Variants in SSH2 observed in about 807,000 individuals in gnomAD.
The protein encoded by SSH2 is protein phosphatase Slingshot homolog 2.
Under a neutral mutation model 135.2 loss-of-function variants are expected in SSH2, and 37 were observed. That is an observed-to-expected ratio of 0.27 (90% CI 0.21 to 0.36). The LOEUF (loss-of-function observed/expected upper bound fraction) is 0.36, where lower values mean the gene tolerates loss of function less well. Ranked by LOEUF, SSH2 falls within the 10% of genes least tolerant of loss-of-function variation. The pLI is 1.00. For missense variants in SSH2, 1,408 were observed against 1,765.3 expected, an observed-to-expected ratio of 0.80 and a Z score of 3.63; for synonymous variants, 628 against 646.2, an observed-to-expected ratio of 0.97 and a Z score of 0.43.
chr17:29,811,920 T>C (rs547058415), intron 2 of SSH2, among the ~76,000 whole-genome samples: 1 of 152,298 alleles, frequency 6.6e-6, no homozygotes, highest in South Asian at 2.1e-4. Context: ...TAAAAATATC[T>C]AAAGAGTTTG....
intron 3 of SSH2, among the ~76,000 whole-genome samples, chr17:29,727,375 A>G (rs1281918577): frequency 6.6e-6 from 1 of 152,252 alleles, no homozygotes; most frequent in Admixed American, 6.5e-5. Flanking sequence ...CAAGCAGGTA[A>G]TATTAAATTT....
At chr17:29,635,093 A>G (rs578046520) in intron 15 of SSH2, among the ~76,000 whole-genome samples, 29 of 150,844 alleles carry the variant, frequency 1.9e-4, no homozygotes, top group East Asian at 1.2e-3. Context: ...TTGTAGAGAC[A>G]GGGTTTCACC....
At chr17:29,908,696 G>A (rs1284018260) in intron 1 of SSH2, among the ~76,000 whole-genome samples, 4 of 150,046 alleles carry the variant, frequency 2.7e-5, no homozygotes, top group Admixed American at 2.7e-4. Context: ...CCTGGGAGGC[G>A]GAGGTTGCAG....
intron 1 of SSH2, among the ~76,000 whole-genome samples, chr17:29,895,228 C>A (rs1389882273): frequency 7.3e-6 from 1 of 136,326 alleles, no homozygotes; most frequent in African/African-American, 2.7e-5. Flanking sequence ...TTTATAAATA[C>A]ATTTTATATA....
At chr17:29,704,506 A>C (rs1714871572) in intron 3 of SSH2, among the ~76,000 whole-genome samples, 1 of 152,138 alleles carries the variant, frequency 6.6e-6, no homozygotes, top group Non-Finnish European at 1.5e-5. Context: ...GTTTGAGACC[A>C]GGCTAGGCAA....
intron 11 of SSH2, among the ~76,000 whole-genome samples, chr17:29,665,809 T>C (rs2037246289): frequency 6.6e-6 from 1 of 152,368 alleles, no homozygotes; most frequent in African/African-American, 2.4e-5. Flanking sequence ...CAGAGAGGTC[T>C]CCTTGGGCTA....
chr17:29,835,021 G>A (rs540707103), intron 2 of SSH2, among the ~76,000 whole-genome samples: 1 of 152,268 alleles, frequency 6.6e-6, no homozygotes, highest in African/African-American at 2.4e-5. Context: ...TATAACTCTT[G>A]ACTAAAATGT....
intron 3 of SSH2, among the ~76,000 whole-genome samples, chr17:29,750,612 T>G (rs2040904138): frequency 6.6e-6 from 1 of 151,784 alleles, no homozygotes; most frequent in Non-Finnish European, 1.5e-5. Flanking sequence ...AGCCTCAAAC[T>G]CCTGGGTTCA....
intron 3 of SSH2, among the ~76,000 whole-genome samples, chr17:29,738,906 C>T (rs1237168853): frequency 1.3e-5 from 2 of 152,128 alleles, no homozygotes; most frequent in Admixed American, 6.5e-5. Context: ...TACTAACTGC[C>T]TCAAAAGCAT....
rs749910005 is a variant in SSH2, at chr17:29,631,476, G to T, written c.3718C>A (p.Pro1240Thr). ...ATGTTTTCACTACTAGAGCTATGTG[G>T]GAGTCGACAGGCTACAGGCAATGGG... The part of the protein sequence containing the change: ...MDPLPVACRL[P>T]HSSSSENIKS... Residue 1240 changes from proline (P) to threonine (T), a missense_variant, in exon 16 of 16, where the codon CCA becomes ACA. By Grantham distance (38) the Pro-to-Thr change is conservative (BLOSUM62 -1). This residue lies in a region of SSH2 where 1,080 missense variants were observed against 1,144.5 expected (regional missense o/e 0.94). Transcript: ENST00000540801. 6.2e-7 allele frequency: 1 copy of T among 1,614,124 alleles called. No individual in the cohort carries two copies. Among genetic ancestry groups the T allele is most frequent in the African/African-American group, 1.3e-5 (1 of 75,006 alleles).
At chr17:29,708,993 AATATATAT>A (rs374708601) in intron 3 of SSH2, among the ~76,000 whole-genome samples, 5 of 65,822 alleles carry the variant, frequency 7.6e-5, no homozygotes, top group African/African-American at 2.3e-4. Flanking sequence ...CTAGTTAAGA[AATATATAT>A]ATATATATAT....
chr17:29,681,331 C>CAAAAAAA (rs764461213), intron 6 of SSH2, among the ~76,000 whole-genome samples: 3 of 14,354 alleles, frequency 2.1e-4, no homozygotes, highest in African/African-American at 5.9e-4. Flanking sequence ...GAGACTGTCT[C>CAAAAAAA]AAAAAAAAAA....
intron 11 of SSH2, among the ~76,000 whole-genome samples, chr17:29,666,069 T>A (rs2037260177): frequency 6.6e-6 from 1 of 152,156 alleles, no homozygotes; most frequent in South Asian, 2.1e-4. Context: ...CCAGGCGCGA[T>A]GGCTCATGCC....
intron 3 of SSH2, among the ~76,000 whole-genome samples, chr17:29,787,114 A>C (rs1598998606): frequency 6.6e-6 from 1 of 152,226 alleles, no homozygotes; most frequent in East Asian, 1.9e-4. Flanking sequence ...CCAAAACTGA[A>C]GCTCCGTACC....
intron 3 of SSH2, among the ~76,000 whole-genome samples, chr17:29,772,346 C>T (rs984378537): frequency 1.3e-5 from 2 of 151,380 alleles, no homozygotes; most frequent in East Asian, 1.9e-4. Flanking sequence ...CCCGAGTTCA[C>T]GCCATTCTTC....
At chr17:29,678,713 C>CTTTTTTTTTT (rs55889704) in intron 6 of SSH2, among the ~76,000 whole-genome samples, 22 of 112,054 alleles carry the variant, frequency 2.0e-4, no homozygotes, top group South Asian at 2.9e-4. Flanking sequence ...AATACTATTT[C>CTTTTTTTTTT]TTTTTTTTTT....
At position 29,631,601 on chromosome 17, in the gene SSH2, C is replaced by T. The variant is rs2035675723; in HGVS notation, c.3593G>A (p.Gly1198Asp). ...GGAGTCCTTATATGGCACCTCACTG[C>T]CACTGGAGAGAGGGCTCTCCTGACT... ...EESQESPLSSGSEVPYKDSQL... is the reference protein window; with the variant it reads ...EESQESPLSSDSEVPYKDSQL... Residue 1198 changes from glycine to aspartate, a missense_variant, in exon 16 of 16, where the codon GGC becomes GAC. By Grantham distance (94) the Gly-to-Asp change is moderately conservative. Around this residue, in one of 3 missense-constraint regions of SSH2, gnomAD observed 1,080 missense variants for 1,144.5 expected, o/e 0.94. Coordinates refer to ENST00000540801, the MANE Select transcript of SSH2 (RefSeq NM_001282129.2). 6.2e-7 allele frequency: 1 copy of T among 1,614,172 alleles called. No individual in the cohort carries two copies. The highest frequency in any genetic ancestry group is 8.5e-7 in the Non-Finnish European group (1 of 1,180,038).
chr17:29,906,972 G>A (rs1381174623), intron 1 of SSH2, among the ~76,000 whole-genome samples: 1 of 152,158 alleles, frequency 6.6e-6, no homozygotes, highest in Non-Finnish European at 1.5e-5. Context: ...CAAAGACTTA[G>A]AGGCAGAAAT....
chr17:29,836,314 T>C (rs2042943537), intron 2 of SSH2, among the ~76,000 whole-genome samples: 1 of 152,200 alleles, frequency 6.6e-6, no homozygotes, highest in Admixed American at 6.5e-5. Flanking sequence ...CGTTTTTCCA[T>C]TTGAATTTTT....
Sources: gnomAD v4.1 joint callset for allele counts (sites outside exome capture counted in the v4.1 genomes callset) on GRCh38, gnomAD v4.1.1 for gene constraint, gnomAD v4.1.1 regional missense constraint, MANE v1.5 for transcripts, NCBI Gene and HGNC (gene_info 2026-07-23, HGNC 2026-07-21) for gene names.